The following LMX1B variants were observed in gnomAD, a reference collection of about 807,000 sequenced individuals.
LMX1B encodes the protein LIM homeobox transcription factor 1 beta, also known as LIM homeobox transcription factor 1-beta.
In LMX1B, 12 loss-of-function variants were observed where a neutral mutation model predicts 51.4. The observed-to-expected ratio is 0.23, with a 90% CI of 0.15 to 0.38. The LOEUF (loss-of-function observed/expected upper bound fraction) is 0.38, where lower values mean the gene tolerates loss of function less well. Among genes scored for constraint, LMX1B ranks in the 10% least tolerant of loss-of-function variants. The pLI is 1.00. For missense variants in LMX1B, 445 were observed against 571.1 expected, an observed-to-expected ratio of 0.78 and a Z score of 2.25; for synonymous variants, 237 against 235.4, an observed-to-expected ratio of 1.01 and a Z score of -0.06.
At chr9:126,670,648 T>C (rs1836432065) in intron 2 of LMX1B, among the ~76,000 whole-genome samples, 1 of 152,148 alleles carries the variant, frequency 6.6e-6, no homozygotes, top group Non-Finnish European at 1.5e-5. Context: ...CCTAGACTGT[T>C]GGCACATGCA....
intron 2 of LMX1B, among the ~76,000 whole-genome samples, chr9:126,617,426 T>C (rs1835323868): frequency 6.6e-6 from 1 of 151,864 alleles, no homozygotes; most frequent in South Asian, 2.1e-4. Context: ...TTGAAAAGAC[T>C]TATGAATCGC....
At chr9:126,661,287 C>T (rs1401253937) in intron 2 of LMX1B, among the ~76,000 whole-genome samples, 1 of 152,002 alleles carries the variant, frequency 6.6e-6, no homozygotes, top group African/African-American at 2.4e-5. Context: ...CGCAGGGCGA[C>T]CTCTCAGGCC....
chr9:126,696,998 C>T lies in LMX1B; in HGVS notation c.*547C>T, dbSNP rs886063423. On this transcript the variant is annotated 3_prime_UTR_variant, in exon 8 of 8. Coordinates refer to ENST00000373474, the MANE Select transcript of LMX1B (RefSeq NM_001174147.2). ...CCTGAGGGGAGGCACTGTCAGGAGG[C>T]GGGCTCGGAGCCTGAGCCTGGGCAG... 24 of 171,038 alleles carry T rather than the reference C, an allele frequency of 1.4e-4. No individual in the cohort carries two copies. Among genetic ancestry groups the T allele is most frequent in the East Asian group, 1.6e-4 (1 of 6,098 alleles). The allele number at this position is 171,038 out of a possible 1,614,324, so 10.6% of individuals were successfully genotyped here. A position where few individuals can be genotyped will look rare whatever the true frequency, so the allele number is the denominator to read the frequency against.
chr9:126,642,882 T>C (rs2118884899), intron 2 of LMX1B, among the ~76,000 whole-genome samples: 1 of 152,282 alleles, frequency 6.6e-6, no homozygotes, highest in South Asian at 2.1e-4. Context: ...CCAGGGATGA[T>C]GGATCTGCAG....
In LMX1B at chr9:126,614,530, C is replaced by T. The variant is rs1835262471; in HGVS notation, c.81C>T (p.Gly27=). 6.2e-7 allele frequency: 1 copy of T among 1,606,380 alleles called. No homozygotes were observed. Among genetic ancestry groups the T allele is most frequent in the Admixed American group, 1.7e-5 (1 of 59,324 alleles). ...GQTDCAKMLD[G]IKMEEHALRP... is the part of the protein sequence containing the mutation. ...CGGACTGCGCCAAGATGTTGGACGG[C>T]ATCAAGATGGAGGAGCACGCCCTGC... is the stretch of plus-strand genomic sequence containing the variant. The change falls in exon 1 of 8, where the codon GGC becomes GGT. Residue 27 remains glycine (G), a synonymous_variant. Coordinates refer to ENST00000373474, the MANE Select transcript of LMX1B (RefSeq NM_001174147.2).
intron 2 of LMX1B, among the ~76,000 whole-genome samples, chr9:126,634,153 T>C (rs1835675382): frequency 1.3e-5 from 2 of 152,264 alleles, no homozygotes; most frequent in Middle Eastern, 3.4e-3. Flanking sequence ...ATGAGCAAGA[T>C]AGTCCCAGCC....
chr9:126,696,025 C>A (rs777876744), intron 7 of LMX1B, 22 bp downstream of exon 7: 2 of 1,355,232 alleles, frequency 1.5e-6, no homozygotes, highest in Non-Finnish European at 1.9e-6. Context: ...TACCCCCACC[C>A]GCCCGCCCCA....
chr9:126,614,746 C>A (rs1835268577), intron 1 of LMX1B, among the ~76,000 whole-genome samples, 158 bp downstream of exon 1: 1 of 152,150 alleles, frequency 6.6e-6, no homozygotes, highest in African/African-American at 2.4e-5. Context: ...GCCAGAGGGC[C>A]GCAAGTACGC....
chr9:126,617,632 C>T (rs1008143241), intron 2 of LMX1B, among the ~76,000 whole-genome samples: 2 of 152,056 alleles, frequency 1.3e-5, no homozygotes, highest in African/African-American at 4.8e-5. Context: ...GCATTTGCTA[C>T]TGCTTTGTCC....
intron 2 of LMX1B, among the ~76,000 whole-genome samples, chr9:126,661,939 T>C (rs1398131547): frequency 6.6e-6 from 1 of 152,166 alleles, no homozygotes; most frequent in African/African-American, 2.4e-5. Context: ...GGAAATTACC[T>C]AATGAATCAA....
intron 2 of LMX1B, among the ~76,000 whole-genome samples, chr9:126,678,880 T>C (rs1005316597): frequency 6.6e-6 from 1 of 152,250 alleles, no homozygotes; most frequent in Non-Finnish European, 1.5e-5. Context: ...AAAAATGCTT[T>C]AATGGAGTTT....
At chr9:126,693,363 G>C (rs373761001) in intron 4 of LMX1B, 40 bp downstream of exon 4, 2 of 1,570,744 alleles carry the variant, frequency 1.3e-6, no homozygotes, top group Non-Finnish European at 1.7e-6. Flanking sequence ...GCTGATGCCC[G>C]CACACCCACT....
At chr9:126,663,867 C>T (rs1327205508) in intron 2 of LMX1B, among the ~76,000 whole-genome samples, 2 of 152,196 alleles carry the variant, frequency 1.3e-5, no homozygotes, top group Non-Finnish European at 2.9e-5. Flanking sequence ...ACCCATGGGG[C>T]GGGGCAGCAG....
At chr9:126,679,247 T>C (rs1472030577) in intron 2 of LMX1B, among the ~76,000 whole-genome samples, 1 of 152,202 alleles carries the variant, frequency 6.6e-6, no homozygotes, top group Non-Finnish European at 1.5e-5. Flanking sequence ...ACATGGCGTT[T>C]GGCACAGAAC....
At position 126,698,491 on chromosome 9, in the gene LMX1B, G is replaced by C. The variant is rs1333021686; in HGVS notation, c.*2040G>C. ...GTGTCAGGCGCCCTGCTGGAAGTCA[G>C]GTGCACTAGATCCATCCCCAGCCCC... On this transcript the variant is annotated 3_prime_UTR_variant, in exon 8 of 8. Coordinates refer to ENST00000373474, the MANE Select transcript of LMX1B (RefSeq NM_001174147.2). 6.6e-6 allele frequency: 1 copy of C among 152,272 alleles called. No homozygotes were observed. The highest frequency in any genetic ancestry group is 1.5e-5 in the Non-Finnish European group (1 of 68,086). 9.4% of individuals were successfully genotyped at this position (152,272 alleles called of 1,614,324 possible). A position where few individuals can be genotyped will look rare whatever the true frequency, so the allele number is the denominator to read the frequency against.
At chr9:126,627,459 A>G (rs1002709385) in intron 2 of LMX1B, among the ~76,000 whole-genome samples, 10 of 151,990 alleles carry the variant, frequency 6.6e-5, no homozygotes, top group Admixed American at 6.6e-4. Flanking sequence ...CCCAAGGGAA[A>G]GCAGAGAAGG....
chr9:126,632,358 G>T (rs1239650698), intron 2 of LMX1B, among the ~76,000 whole-genome samples: 2 of 152,112 alleles, frequency 1.3e-5, no homozygotes, highest in African/African-American at 2.4e-5. Context: ...CCAGGAGGGG[G>T]CCCTGGCAGC....
intron 2 of LMX1B, among the ~76,000 whole-genome samples, chr9:126,648,963 C>A (rs12555734): frequency 0.18 from 27,034 of 152,058 alleles, 3,167 homozygotes; most frequent in Non-Finnish European, 0.25. Context: ...GCAGCATGAT[C>A]TGAAGTCATG....
chr9:126,676,312 C>A (rs7030658), intron 2 of LMX1B, among the ~76,000 whole-genome samples: 14,626 of 152,172 alleles, frequency 0.096, 2,178 homozygotes, highest in African/African-American at 0.32. Flanking sequence ...CTCTGTCTTC[C>A]GAAAAGTGGC....
Sources: allele counts gnomAD v4.1 joint callset (sites outside exome capture counted in the v4.1 genomes callset), GRCh38; gene constraint gnomAD v4.1.1; transcripts MANE v1.5; gene names NCBI Gene and HGNC (gene_info 2026-07-23, HGNC 2026-07-21).